PCDHGB5: variants seen among roughly 807,000 people sequenced by gnomAD.
PCDHGB5 encodes the protein protocadherin gamma subfamily B, 5.
A neutral mutation model predicts 62.9 loss-of-function variants in PCDHGB5; 48 were observed. The ratio of observed to expected loss-of-function variants is 0.76; its 90% CI spans 0.61 to 0.97. The LOEUF (loss-of-function observed/expected upper bound fraction) is 0.97. Ranked by LOEUF, PCDHGB5 falls within the 50% of genes least tolerant of loss-of-function variation. The probability of loss-of-function intolerance (pLI) is 0.00; values close to 1 mark genes in which losing one functional copy is unlikely to be tolerated. For synonymous variants in PCDHGB5, 474 were observed against 511.2 expected (o/e 0.93, Z 0.98); for missense variants, 1,118 against 1,198.6 (o/e 0.93, Z 0.99).
At chr5:141,460,981 GTGTA>G (rs1315974712) in intron 1 of PCDHGB5, among the ~76,000 whole-genome samples, 3 of 121,894 alleles carry the variant, frequency 2.5e-5, no homozygotes, top group Non-Finnish European at 5.1e-5. Context: ...GTGTGTGTGT[GTGTA>G]TATATATATA....
chr5:141,455,107 C>T (rs1027661420), intron 1 of PCDHGB5, among the ~76,000 whole-genome samples: 20 of 151,774 alleles, frequency 1.3e-4, no homozygotes, highest in Non-Finnish European at 2.4e-4. Context: ...CCACTGCGCC[C>T]GGTGGGTCTA....
intron 1 of PCDHGB5, among the ~76,000 whole-genome samples, chr5:141,472,980 C>CA (rs60579131): frequency 0.042 from 3,623 of 85,966 alleles, 71 homozygotes; most frequent in South Asian, 0.079. Context: ...GAGTGAAACT[C>CA]AAAAAAAAAA....
chr5:141,403,895 T>C, intron 1 of PCDHGB5: 1 of 1,613,884 alleles, frequency 6.2e-7, no homozygotes, highest in Non-Finnish European at 8.5e-7. Context: ...ATGTTCATTT[T>C]ATGAAATGGA....
At position 141,398,796 on chromosome 5, in the gene PCDHGB5, C is replaced by G. The variant is rs765198482; in HGVS notation, c.669C>G (p.Ser223Arg). 13 of 1,613,920 alleles carry G rather than the reference C, an allele frequency of 8.1e-6. No homozygotes were observed. The highest frequency in any genetic ancestry group is 1.6e-4 in the Middle Eastern group (1 of 6,062). The change falls in exon 1 of 4, where the codon AGC becomes AGG. Residue 223 changes from serine (S) to arginine (R), a missense_variant. By Grantham distance (110) the Ser-to-Arg change is moderately radical. Transcript: ENST00000617380. ...TALDGGHPPL[S>R]GTTELRIQVT... ...TGGACGGTGGACATCCACCCCTAAG[C>G]GGCACCACTGAGCTCCGGATCCAGG...
intron 1 of PCDHGB5, among the ~76,000 whole-genome samples, chr5:141,426,066 A>T (rs1488003387): frequency 6.6e-6 from 1 of 152,196 alleles, no homozygotes; most frequent in Admixed American, 6.5e-5. Context: ...CAAGAACTGG[A>T]GCCTGGGATC....
chr5:141,511,345 T>TC lies in PCDHGB5; in HGVS notation c.*179dup, dbSNP rs535135679. The TC allele has an allele frequency of 6.6e-4, 924 of 1,410,366 alleles. 3 individuals are homozygous for TC. The African/African-American group carries it at 0.011, about 17-fold the overall frequency. 87.4% of individuals were successfully genotyped at this position (1,410,366 alleles called of 1,614,324 possible). ...AAGTGCCCAGTCAGCACCTACCCCT[T>TC]CCCCCCCAGGGGGTTGAATATGCAA... On this transcript the variant is annotated 3_prime_UTR_variant, in exon 4 of 4. Coordinates refer to ENST00000617380, the MANE Select transcript of PCDHGB5 (RefSeq NM_018925.3).
rs2154555227 is a variant in PCDHGB5, at chr5:141,432,737, C to G, written c.2397+32213C>G. ...GCCCCCTCTCTCCGCCACTGTCACG[C>G]TCACCGTGGCCGTGGCCGACAGCAT... On this transcript the variant is annotated intron_variant, in intron 1 of 3. Coordinates refer to ENST00000617380, the MANE Select transcript of PCDHGB5 (RefSeq NM_018925.3). This position sits in a 1 kb window ranked among gnomAD's most constrained non-coding sequence, Gnocchi z 6.0. 6.2e-7 allele frequency: 1 copy of G among 1,614,110 alleles called. No homozygotes were observed. The highest frequency in any genetic ancestry group is 8.5e-7 in the Non-Finnish European group (1 of 1,180,002).
chr5:141,399,946 G>A lies in PCDHGB5; in HGVS notation c.1819G>A (p.Ala607Thr), dbSNP rs911365297. The A allele has an allele frequency of 6.2e-7, 1 of 1,612,270 alleles. No homozygotes were observed. The highest frequency in any genetic ancestry group is 1.3e-5 in the African/African-American group (1 of 75,032). ...CTGGCTGTCCTACCACGTGCTGCAG[G>A]CTAGCGAGCCCGGGCTCTTCAGCCT... Reference protein sequence around the residue: ...NAWLSYHVLQASEPGLFSLGL... With the variant: ...NAWLSYHVLQTSEPGLFSLGL... Residue 607 changes from alanine to threonine, a missense_variant, in exon 1 of 4, where the codon GCT becomes ACT. By Grantham distance (58) the Ala-to-Thr change is moderately conservative. Around this residue, in one of 2 missense-constraint regions of PCDHGB5, gnomAD observed 1,034 missense variants for 1,029.1 expected, o/e 1.00. Transcript: ENST00000617380.
intron 1 of PCDHGB5, among the ~76,000 whole-genome samples, chr5:141,454,194 G>A (rs949915652): frequency 6.6e-5 from 10 of 152,304 alleles, no homozygotes; most frequent in Non-Finnish European, 4.4e-5. Context: ...CTTAGTGAAG[G>A]TGAATTTATT....
At chr5:141,410,748 C>G in intron 1 of PCDHGB5, 1 of 1,245,396 alleles carries the variant, frequency 8.0e-7, no homozygotes, top group Non-Finnish European at 1.1e-6. Flanking sequence ...AATATTTTCT[C>G]AATGTTTTTT....
chr5:141,492,043 TC>T (rs1323524482), intron 1 of PCDHGB5: 5 of 518,152 alleles, frequency 9.6e-6, no homozygotes, highest in Non-Finnish European at 1.7e-5. Context: ...CAGTCACAGA[TC>T]CACCCCTGCA....
intron 1 of PCDHGB5, chr5:141,427,931 G>C: frequency 6.3e-7 from 1 of 1,583,764 alleles, no homozygotes; most frequent in Non-Finnish European, 8.6e-7. Flanking sequence ...GGCGCATGTT[G>C]GTGGGCGACC....
At chr5:141,504,302 C>T (rs969760258) in intron 2 of PCDHGB5, among the ~76,000 whole-genome samples, 9 of 152,004 alleles carry the variant, frequency 5.9e-5, no homozygotes, top group African/African-American at 1.5e-4. Context: ...TTTCAACACT[C>T]GGAGTTTCTA....
chr5:141,477,775 G>T lies in PCDHGB5; in HGVS notation c.2398-17032G>T. 2 of 1,614,046 alleles carry T rather than the reference G, an allele frequency of 1.2e-6. No individual in the cohort carries two copies. The highest frequency in any genetic ancestry group is 2.7e-5 in the African/African-American group (2 of 75,052). On this transcript the variant is annotated intron_variant, in intron 1 of 3. Transcript: ENST00000617380. The surrounding 1 kb of genome is among the most constrained non-coding windows in gnomAD (Gnocchi z 4.9). ...CGGTCCTAGCCACCAACATCAGCGT[G>T]AACATATTTGTCACTGATCGCAATG...
At chr5:141,492,068 G>A in intron 1 of PCDHGB5, 1 of 479,628 alleles carries the variant, frequency 2.1e-6, no homozygotes, top group Non-Finnish European at 3.7e-6. Flanking sequence ...AGCCTCCTAG[G>A]CGCCGGCTCC....
Position 141,412,258 on chromosome 5 carries a change from C to T in PCDHGB5, c.2397+11734C>T, listed in dbSNP as rs569698099. 5.8e-4 allele frequency: 88 copies of T among 152,314 alleles called. 1 individual carries two copies. The highest frequency in any genetic ancestry group is 2.0e-3 in the African/African-American group (83 of 41,568). 9.4% of individuals were successfully genotyped at this position (152,314 alleles called of 1,614,324 possible). On this transcript the variant is annotated intron_variant, in intron 1 of 3. Transcript: ENST00000617380. Reference sequence around the variant, plus strand: ...ATATCACTACATCTAACTTTGTTTTCTAAAACTTTTAGTACTTCAAATTCT... The same window carrying T: ...ATATCACTACATCTAACTTTGTTTTTTAAAACTTTTAGTACTTCAAATTCT...
chr5:141,436,383 G>A (rs1374382672), intron 1 of PCDHGB5, among the ~76,000 whole-genome samples: 1 of 152,104 alleles, frequency 6.6e-6, no homozygotes, highest in Admixed American at 6.5e-5. Flanking sequence ...AGCTGAATAG[G>A]CTTTATTAAA....
At position 141,489,425 on chromosome 5, in the gene PCDHGB5, G is replaced by C. The variant is rs779739693; in HGVS notation, c.2398-5382G>C. On this transcript the variant is annotated intron_variant, in intron 1 of 3. Transcript: ENST00000617380. This position sits in a 1 kb window ranked among gnomAD's most constrained non-coding sequence, Gnocchi z 4.5. ...TTAAAGATGACAGATCTGTTGAGCC[G>C]GCGGCTGCAATTGGGCTCTGAGGAG... The C allele has an allele frequency of 4.3e-6, 7 of 1,614,118 alleles. No individual in the cohort carries two copies. The highest frequency in any genetic ancestry group is 1.1e-5 in the South Asian group (1 of 91,070).
At position 141,399,866 on chromosome 5, in the gene PCDHGB5, C is replaced by G. The variant is rs1312435366; in HGVS notation, c.1739C>G (p.Pro580Arg). The change falls in exon 1 of 4, where the codon CCC becomes CGC. Residue 580 changes from proline to arginine, a missense_variant. Coordinates refer to ENST00000617380, the MANE Select transcript of PCDHGB5 (RefSeq NM_018925.3). Reference sequence around the variant, plus strand: ...GATATGGTGCCGCGCGCTGCAGAGCCCGGCTACCTGGTGACCAAGGTAGTG... The same window carrying G: ...GATATGGTGCCGCGCGCTGCAGAGCGCGGCTACCTGGTGACCAAGGTAGTG... The part of the protein sequence containing the change: ...LFDMVPRAAE[P>R]GYLVTKVVAV... 17 of 1,612,854 alleles carry G rather than the reference C, an allele frequency of 1.1e-5. No homozygotes were observed. Among genetic ancestry groups the G allele is most frequent in the Non-Finnish European group, 1.4e-5 (16 of 1,179,802 alleles).
Sources: gnomAD v4.1 joint callset for allele counts (sites outside exome capture counted in the v4.1 genomes callset) on GRCh38, gnomAD v4.1.1 for gene constraint, gnomAD v4.1.1 regional missense constraint, Gnocchi (gnomAD v3.1) non-coding constraint, MANE v1.5 for transcripts, NCBI Gene and HGNC (gene_info 2026-07-23, HGNC 2026-07-21) for gene names.